Variants in MAPT observed in about 807,000 individuals in gnomAD.
MAPT encodes microtubule-associated protein tau.
In MAPT, 34 loss-of-function variants were observed where a neutral mutation model predicts 67.9. The observed-to-expected ratio is 0.50, with a 90% CI of 0.38 to 0.67. MAPT has a LOEUF of 0.67. Among genes scored for constraint, MAPT ranks in the 30% least tolerant of loss-of-function variants. The probability of loss-of-function intolerance (pLI) is 0.00; values close to 1 mark genes in which losing one functional copy is unlikely to be tolerated. For missense variants in MAPT, 881 were observed against 1,115.2 expected, an observed-to-expected ratio of 0.79 and a Z score of 2.99; for synonymous variants, 456 against 464.5, an observed-to-expected ratio of 0.98 and a Z score of 0.23.
At chr17:45,952,825 C>T (rs2069220560) in intron 1 of MAPT, among the ~76,000 whole-genome samples, 1 of 152,152 alleles carries the variant, frequency 6.6e-6, no homozygotes, top group Admixed American at 6.6e-5. Context: ...ACTGCTTCTT[C>T]CATACCCTAG....
At position 45,983,918 on chromosome 17, in the gene MAPT, C is replaced by G. The variant is rs760321754; in HGVS notation, c.1339C>G (p.Pro447Ala). Reference sequence around the variant, plus strand: ...GCGGGGGAAGCCCGTCAGCCGGGTCCCTCAACTCAAAGGTCTGTGTCTTGA... The same window carrying G: ...GCGGGGGAAGCCCGTCAGCCGGGTCGCTCAACTCAAAGGTCTGTGTCTTGA... Reference protein sequence around the residue: ...APRGKPVSRVPQLKARMVSKS... With the variant: ...APRGKPVSRVAQLKARMVSKS... The change falls in exon 5 of 13, where the codon CCT (proline) becomes GCT (alanine). Residue 447 changes from proline to alanine, a missense_variant. Pro to Ala is a conservative substitution (Grantham distance 27). Transcript: ENST00000262410. The G allele has an allele frequency of 1.9e-6, 3 of 1,570,278 alleles. No individual in the cohort carries two copies. The highest frequency in any genetic ancestry group is 3.5e-4 in the Middle Eastern group (2 of 5,766).
At position 45,915,344 on chromosome 17, in the gene MAPT, G is replaced by A. The variant is rs184804394; in HGVS notation, c.-18+20658G>A. 1.4e-4 allele frequency among the ~76,000 whole-genome samples: 21 copies of A among 150,640 alleles called. No homozygotes were observed. The highest frequency in any genetic ancestry group is 5.1e-4 in the African/African-American group (21 of 40,946). On this transcript the variant is annotated intron_variant, in intron 1 of 12. Coordinates refer to ENST00000262410, the MANE Select transcript of MAPT (RefSeq NM_001377265.1). The surrounding 1 kb of genome is among the most constrained non-coding windows in gnomAD (Gnocchi z 4.4). ...TGTGTAGTGTGTGTGTGAAGTATGT[G>A]GTGTGTATGTGTGACGTGAGGTGTG...
chr17:46,027,304 A>G lies in MAPT; in HGVS notation c.*3133A>G, dbSNP rs191084195. On this transcript the variant is annotated 3_prime_UTR_variant, in exon 13 of 13. Coordinates refer to ENST00000262410, the MANE Select transcript of MAPT (RefSeq NM_001377265.1). ...GGTTTAGGGTGATCAGTGCTGGCAG[A>G]TAAATTGAAAAGGCACGCTGGCTTG... 6.5e-5 allele frequency: 10 copies of G among 152,866 alleles called. No homozygotes were observed. In the East Asian group the frequency reaches 1.7e-3, roughly 27 times the overall value. 9.5% of individuals were successfully genotyped at this position (152,866 alleles called of 1,614,324 possible).
intron 2 of MAPT, among the ~76,000 whole-genome samples, chr17:45,968,517 G>A (rs2071320065): frequency 6.6e-6 from 1 of 152,222 alleles, no homozygotes; most frequent in African/African-American, 2.4e-5. Flanking sequence ...TGGACCCTCA[G>A]CAGTCTGTGC....
chr17:45,926,226 A>G (rs2066277322), intron 1 of MAPT, among the ~76,000 whole-genome samples: 1 of 150,530 alleles, frequency 6.6e-6, no homozygotes, highest in African/African-American at 2.4e-5. Flanking sequence ...AAAAAAAAAA[A>G]GAAAAGCCTT....
chr17:45,917,256 C>T (rs887124457), intron 1 of MAPT, among the ~76,000 whole-genome samples: 2 of 152,226 alleles, frequency 1.3e-5, no homozygotes, highest in Non-Finnish European at 2.9e-5. Flanking sequence ...TTGCAGGGTT[C>T]GCATCTGCCT....
intron 9 of MAPT, among the ~76,000 whole-genome samples, chr17:46,008,036 AC>A (rs2075567391): frequency 6.6e-6 from 1 of 152,240 alleles, no homozygotes; most frequent in Non-Finnish European, 1.5e-5. Flanking sequence ...ATAGTATTAA[AC>A]ATAGTGCTTC....
intron 1 of MAPT, among the ~76,000 whole-genome samples, chr17:45,920,586 G>A (rs2065613082): frequency 2.0e-5 from 3 of 152,186 alleles, no homozygotes; most frequent in Admixed American, 1.3e-4. Flanking sequence ...GCTGTGTTCA[G>A]TGGCTCAGCA....
intron 1 of MAPT, among the ~76,000 whole-genome samples, chr17:45,945,830 G>A (rs970977412): frequency 3.3e-5 from 5 of 151,828 alleles, no homozygotes; most frequent in Non-Finnish European, 7.4e-5. Context: ...AAGAAAAAAA[G>A]ACAAAGCTTG....
intron 1 of MAPT, among the ~76,000 whole-genome samples, chr17:45,922,756 G>T (rs915776925): frequency 2.0e-5 from 3 of 152,110 alleles, no homozygotes; most frequent in African/African-American, 7.2e-5. Flanking sequence ...TCCCCTCTGG[G>T]AAGTCAGACC....
intron 1 of MAPT, among the ~76,000 whole-genome samples, chr17:45,914,271 AG>A (rs1234249139): frequency 4.3e-5 from 5 of 115,054 alleles, no homozygotes; most frequent in African/African-American, 1.3e-4. Flanking sequence ...CCTGGAGCAG[AG>A]GGCGGCTGAT....
chr17:45,954,888 G>A (rs537013038), intron 1 of MAPT, among the ~76,000 whole-genome samples: 1 of 152,164 alleles, frequency 6.6e-6, no homozygotes, highest in Non-Finnish European at 1.5e-5. Context: ...GGAGGCTGAG[G>A]CAGGAGAATG....
At position 45,948,334 on chromosome 17, in the gene MAPT, C is replaced by T. The variant is rs377106304; in HGVS notation, c.-17-13987C>T. On this transcript the variant is annotated intron_variant, in intron 1 of 12. Coordinates refer to ENST00000262410, the MANE Select transcript of MAPT (RefSeq NM_001377265.1). ...TGGGCTCTTTTCCTTTAGTTGCACT[C>T]GCTCCCCGCTCCTGGAGTAGAGGGA... is the stretch of plus-strand genomic sequence containing the variant. Among the ~76,000 whole-genome samples, 3 of 152,248 alleles carry T rather than the reference C, an allele frequency of 2.0e-5. No homozygotes were observed. In the East Asian group the frequency reaches 5.8e-4, roughly 29 times the overall value.
chr17:45,962,204 A>G (rs2070506419), intron 1 of MAPT, 117 bp from the exon 2 acceptor site: 2 of 808,298 alleles, frequency 2.5e-6, no homozygotes, highest in African/African-American at 3.4e-5. Flanking sequence ...TAGAGAGGGT[A>G]GCAGGGAGGC....
chr17:45,983,042 C>T lies in MAPT; in HGVS notation c.463C>T (p.Arg155Cys), dbSNP rs1300541280. 7 of 1,512,148 alleles carry T rather than the reference C, an allele frequency of 4.6e-6. No individual in the cohort carries two copies. Among genetic ancestry groups the T allele is most frequent in the African/African-American group, 2.8e-5 (2 of 71,964 alleles). 93.7% of individuals were successfully genotyped at this position (1,512,148 alleles called of 1,614,324 possible). A position where few individuals can be genotyped will look rare whatever the true frequency, so the allele number is the denominator to read the frequency against. Reference sequence around the variant, plus strand: ...GCTGACCGCGAGCCTTCCTCAGCACCGTCCCGTTTGCCCAGCGCCTCCTCC... The same window carrying T: ...GCTGACCGCGAGCCTTCCTCAGCACTGTCCCGTTTGCCCAGCGCCTCCTCC... ...VPLTASLPQH[R>C]PVCPAPPPTG... Residue 155 changes from arginine (R) to cysteine (C), a missense_variant, in exon 5 of 13, where the codon CGT becomes TGT. By Grantham distance (180) the Arg-to-Cys change is radical. Coordinates refer to ENST00000262410, the MANE Select transcript of MAPT (RefSeq NM_001377265.1).
At chr17:46,018,502 G>A (rs2076328631) in intron 11 of MAPT, 116 bp from the exon 12 acceptor site, 1 of 824,556 alleles carries the variant, frequency 1.2e-6, no homozygotes, top group East Asian at 2.4e-5. Context: ...TTTTTGCTGT[G>A]CCCCAGCAGC....
At chr17:45,932,955 G>A (rs187671914) in intron 1 of MAPT, among the ~76,000 whole-genome samples, 72 of 152,166 alleles carry the variant, frequency 4.7e-4, no homozygotes, top group Non-Finnish European at 8.5e-4. Context: ...GGTGGTACAC[G>A]CCTGTAATCC....
At chr17:46,018,147 G>GA (rs34759303) in intron 11 of MAPT, among the ~76,000 whole-genome samples, 376 of 117,730 alleles carry the variant, frequency 3.2e-3, no homozygotes, top group Middle Eastern at 4.8e-3. Flanking sequence ...TCTGTCTCAA[G>GA]AAAAAAAAAA....
intron 9 of MAPT, among the ~76,000 whole-genome samples, chr17:46,005,298 G>T (rs1598360795): frequency 6.6e-6 from 1 of 152,156 alleles, no homozygotes; most frequent in African/African-American, 2.4e-5. Flanking sequence ...TAAATGTAAT[G>T]ATCACTCTTG....
Sources: allele counts gnomAD v4.1 joint callset (sites outside exome capture counted in the v4.1 genomes callset), GRCh38; gene constraint gnomAD v4.1.1; non-coding constraint Gnocchi (gnomAD v3.1); transcripts MANE v1.5; gene names NCBI Gene and HGNC (gene_info 2026-07-23, HGNC 2026-07-21).